Variants in PDZD2 observed in about 807,000 individuals in gnomAD.
PDZD2 encodes the protein PDZ domain containing 2.
In PDZD2, 90 loss-of-function variants were observed where a neutral mutation model predicts 220.7. That is an observed-to-expected ratio of 0.41 (90% CI 0.34 to 0.49). The LOEUF (loss-of-function observed/expected upper bound fraction) is 0.49, where lower values mean the gene tolerates loss of function less well. PDZD2 is among the 20% of genes least tolerant of loss of function. PDZD2 has a pLI of 0.28. For missense variants in PDZD2, 3,174 were observed against 3,608.5 expected, an observed-to-expected ratio of 0.88 and a Z score of 3.08; for synonymous variants, 1,375 against 1,450.5, an observed-to-expected ratio of 0.95 and a Z score of 1.18.
At chr5:31,962,095 C>G (rs77183700) in intron 2 of PDZD2, among the ~76,000 whole-genome samples, 1 of 152,174 alleles carries the variant, frequency 6.6e-6, no homozygotes, top group Non-Finnish European at 1.5e-5. Context: ...TTAGACTTAG[C>G]CACACATTTG....
chr5:31,906,746 G>A (rs1742693287), intron 2 of PDZD2, among the ~76,000 whole-genome samples: 1 of 152,100 alleles, frequency 6.6e-6, no homozygotes, highest in Non-Finnish European at 1.5e-5. Context: ...GGGAGGATAA[G>A]GCAGGAGAAT....
intron 2 of PDZD2, among the ~76,000 whole-genome samples, chr5:31,807,973 AC>A (rs1754839669): frequency 6.6e-6 from 1 of 152,220 alleles, no homozygotes; most frequent in Admixed American, 6.5e-5. Flanking sequence ...GGCTCTGGTT[AC>A]CCATGGCAAC....
Position 32,098,483 on chromosome 5 carries a change from G to T in PDZD2, c.8067G>T (p.Lys2689Asn). Reference protein sequence around the residue: ...LAGLAHGNVLKVLHQAQLHKD... With the variant: ...LAGLAHGNVLNVLHQAQLHKD... ...GCTTAGCCCACGGGAATGTCCTGAA[G>T]GTTCTGCACCAGGCACAGCTGCACA... is the stretch of plus-strand genomic sequence containing the variant. The change falls in exon 23 of 25, where the codon AAG becomes AAT. Residue 2689 changes from lysine to asparagine, a missense_variant. Around this residue, in one of 4 missense-constraint regions of PDZD2, gnomAD observed 631 missense variants for 789.9 expected, o/e 0.80. Coordinates refer to ENST00000438447, the MANE Select transcript of PDZD2 (RefSeq NM_178140.4). The surrounding 1 kb of genome is among the most constrained non-coding windows in gnomAD (Gnocchi z 4.1). 2 of 1,614,196 alleles carry T rather than the reference G, an allele frequency of 1.2e-6. No homozygotes were observed. The highest frequency in any genetic ancestry group is 4.5e-5 in the East Asian group (2 of 44,878).
At chr5:31,912,313 A>G (rs900453838) in intron 2 of PDZD2, among the ~76,000 whole-genome samples, 1 of 152,066 alleles carries the variant, frequency 6.6e-6, no homozygotes, top group Non-Finnish European at 1.5e-5. Flanking sequence ...GGTATCTTTC[A>G]TAAGGACACT....
chr5:31,865,810 T>G (rs1738173894), intron 2 of PDZD2, among the ~76,000 whole-genome samples: 1 of 151,210 alleles, frequency 6.6e-6, no homozygotes, highest in Non-Finnish European at 1.5e-5. Flanking sequence ...TTTTTGTATT[T>G]TTAGTAGAGG....
At chr5:31,897,082 T>C (rs919142018) in intron 2 of PDZD2, among the ~76,000 whole-genome samples, 3 of 152,104 alleles carry the variant, frequency 2.0e-5, no homozygotes, top group Admixed American at 1.3e-4. Flanking sequence ...GGTGAGTTTT[T>C]TTTTTTCTTT....
intron 7 of PDZD2, among the ~76,000 whole-genome samples, chr5:32,038,906 G>C (rs1755778230): frequency 6.6e-6 from 1 of 152,212 alleles, no homozygotes; most frequent in Non-Finnish European, 1.5e-5. Flanking sequence ...AGGCTGAGCA[G>C]ATTTTTAAGA....
chr5:31,920,642 A>G (rs913547285), intron 2 of PDZD2, among the ~76,000 whole-genome samples: 8 of 150,884 alleles, frequency 5.3e-5, no homozygotes, highest in Admixed American at 6.6e-5. Context: ...CCTGTCTCTA[A>G]AAAACAATTT....
intron 2 of PDZD2, among the ~76,000 whole-genome samples, chr5:31,831,472 G>A (rs1306092955): frequency 6.6e-6 from 1 of 152,078 alleles, no homozygotes; most frequent in Non-Finnish European, 1.5e-5. Context: ...AAATTGGCCG[G>A]CTGTGGTGGC....
At chr5:32,052,016 C>T (rs1738605718) in intron 8 of PDZD2, among the ~76,000 whole-genome samples, 1 of 152,230 alleles carries the variant, frequency 6.6e-6, no homozygotes, top group Non-Finnish European at 1.5e-5. Context: ...GTTTCTGCTT[C>T]CTGACTCCAT....
At chr5:31,658,368 T>C (rs1745631450) in intron 1 of PDZD2, among the ~76,000 whole-genome samples, 2 of 152,214 alleles carry the variant, frequency 1.3e-5, no homozygotes, top group South Asian at 4.1e-4. Flanking sequence ...CAGCCTGCGC[T>C]CTTTCCTTCC....
At position 31,693,448 on chromosome 5, in the gene PDZD2, G is replaced by T. The variant is rs564452627; in HGVS notation, c.-361+54011G>T. On this transcript the variant is annotated intron_variant, in intron 1 of 24. Coordinates refer to ENST00000438447, the MANE Select transcript of PDZD2 (RefSeq NM_178140.4). ...GTAAAGACGGGGTGTCATCATATTG[G>T]CCAGGCTGGTCCGGAACTCCTGACC... Among the ~76,000 whole-genome samples the T allele has an allele frequency of 4.6e-5, 7 of 152,110 alleles. No individual in the cohort carries two copies. The East Asian group carries it at 1.4e-3, about 29-fold the overall frequency.
intron 2 of PDZD2, chr5:31,822,899 T>A: frequency 1.2e-6 from 1 of 846,406 alleles, no homozygotes; most frequent in South Asian, 1.3e-5. Flanking sequence ...CCCTTGATCA[T>A]GTTCTGTGCA....
intron 2 of PDZD2, among the ~76,000 whole-genome samples, chr5:31,809,633 G>A (rs763333507): frequency 1.1e-4 from 17 of 152,344 alleles, no homozygotes; most frequent in Middle Eastern, 3.4e-3. Flanking sequence ...AGCGTGAGCA[G>A]CAAGACAATT....
chr5:31,801,769 T>C (rs1212564894), intron 2 of PDZD2, among the ~76,000 whole-genome samples: 1 of 152,158 alleles, frequency 6.6e-6, no homozygotes, highest in African/African-American at 2.4e-5. Context: ...ATAGTACATA[T>C]AAAGGGCTCA....
chr5:31,931,057 C>G (rs559033593), intron 2 of PDZD2, among the ~76,000 whole-genome samples: 1 of 152,166 alleles, frequency 6.6e-6, no homozygotes, highest in African/African-American at 2.4e-5. Context: ...GGGTCTCACT[C>G]TTTTGCCCAG....
intron 2 of PDZD2, among the ~76,000 whole-genome samples, chr5:31,946,255 G>A (rs911849221): frequency 6.6e-6 from 1 of 152,160 alleles, no homozygotes; most frequent in African/African-American, 2.4e-5. Context: ...TGCCTGCCTC[G>A]GCCTCCCAAA....
chr5:31,651,367 G>A (rs1350423203), intron 1 of PDZD2, among the ~76,000 whole-genome samples: 2 of 152,152 alleles, frequency 1.3e-5, no homozygotes, highest in South Asian at 2.1e-4. Context: ...AACTTTGCCC[G>A]AGGATTGTGC....
chr5:31,785,391 A>ATG (rs1753319936), intron 1 of PDZD2, among the ~76,000 whole-genome samples: 1 of 148,030 alleles, frequency 6.8e-6, no homozygotes, highest in Non-Finnish European at 1.5e-5. Context: ...TTATATATAT[A>ATG]AATATATATT....
Sources: gnomAD v4.1 joint callset for allele counts (sites outside exome capture counted in the v4.1 genomes callset) on GRCh38, gnomAD v4.1.1 for gene constraint, gnomAD v4.1.1 regional missense constraint, Gnocchi (gnomAD v3.1) non-coding constraint, MANE v1.5 for transcripts, NCBI Gene and HGNC (gene_info 2026-07-23, HGNC 2026-07-21) for gene names.